Variants in GALNT17 observed in about 807,000 individuals in gnomAD.
GALNT17 encodes the protein UDP-GalNAc:polypeptide N-acetylgalactosaminyltransferase-like 3.
A neutral mutation model predicts 63.7 loss-of-function variants in GALNT17; 29 were observed. The observed-to-expected ratio is 0.46, with a 90% CI of 0.34 to 0.62. The LOEUF is 0.62. GALNT17 is among the 20% of genes least tolerant of loss of function. GALNT17 has a pLI of 0.01. For synonymous variants in GALNT17, 305 were observed against 318.3 expected (o/e 0.96, Z 0.45); for missense variants, 603 against 799.6 (o/e 0.75, Z 2.97).
intron 6 of GALNT17, among the ~76,000 whole-genome samples, chr7:71,582,136 A>G (rs747032581): frequency 6.6e-6 from 1 of 152,178 alleles, no homozygotes; most frequent in Non-Finnish European, 1.5e-5. Flanking sequence ...GATTTGATCC[A>G]GCAGTCCCAC....
intron 5 of GALNT17, among the ~76,000 whole-genome samples, chr7:71,564,146 T>C (rs934183052): frequency 6.6e-6 from 1 of 152,136 alleles, no homozygotes; most frequent in African/African-American, 2.4e-5. Context: ...AACAGAGGCT[T>C]TCTGCTTCTG....
intron 6 of GALNT17, among the ~76,000 whole-genome samples, chr7:71,586,539 A>G (rs1789720046): frequency 6.6e-6 from 1 of 152,216 alleles, no homozygotes; most frequent in Non-Finnish European, 1.5e-5. Context: ...TAGGATTTGA[A>G]TAGTTGGAAT....
intron 3 of GALNT17, among the ~76,000 whole-genome samples, chr7:71,414,451 G>C (rs1793488825): frequency 6.6e-6 from 1 of 151,998 alleles, no homozygotes. Flanking sequence ...AAATGATTAG[G>C]CCTTATCCTT....
At position 71,560,118 on chromosome 7, in the gene GALNT17, C is replaced by T. The variant is rs564352623; in HGVS notation, c.963-11167C>T. Among the ~76,000 whole-genome samples the T allele has an allele frequency of 5.7e-5, 8 of 139,226 alleles. No homozygotes were observed. The East Asian group carries it at 7.8e-4, about 13-fold the overall frequency. The allele number at this position is 139,226 out of a possible 152,430, so 91.3% of individuals were successfully genotyped here. On this transcript the variant is annotated intron_variant, in intron 5 of 10. Coordinates refer to ENST00000333538, the MANE Select transcript of GALNT17 (RefSeq NM_022479.3). ...CTGAGGCAGGAGAATCGCTTGAATC[C>T]GGGAGGCGGAGGTTGCAGTGAGCCA...
At chr7:71,133,699 A>C (rs1787730586) in intron 1 of GALNT17, among the ~76,000 whole-genome samples, 1 of 152,156 alleles carries the variant, frequency 6.6e-6, no homozygotes, top group Admixed American at 6.5e-5. Flanking sequence ...GTGGCATCCC[A>C]TTAGTGACAG....
chr7:71,246,777 TGAGAA>T (rs1264060940), intron 1 of GALNT17, among the ~76,000 whole-genome samples: 25 of 151,392 alleles, frequency 1.7e-4, no homozygotes, highest in African/African-American at 6.1e-4. Context: ...TGCAGTGAGC[TGAGAA>T]CGCGCCACTG....
intron 5 of GALNT17, among the ~76,000 whole-genome samples, chr7:71,449,997 G>A (rs183410687): frequency 2.2e-4 from 33 of 150,884 alleles, no homozygotes; most frequent in Admixed American, 1.9e-3. Flanking sequence ...AGCCGAGATC[G>A]TGCCATCGCA....
At chr7:71,503,604 T>A (rs890500186) in intron 5 of GALNT17, among the ~76,000 whole-genome samples, 72 of 152,134 alleles carry the variant, frequency 4.7e-4, no homozygotes, top group Non-Finnish European at 1.6e-4. Flanking sequence ...CTTGGGAATG[T>A]CAAAGGTACC....
At chr7:71,608,422 G>A (rs1790077870) in intron 6 of GALNT17, among the ~76,000 whole-genome samples, 1 of 152,162 alleles carries the variant, frequency 6.6e-6, no homozygotes, top group African/African-American at 2.4e-5. Flanking sequence ...CAGTCAGTGA[G>A]CAGTAAATGT....
At chr7:71,140,115 C>G (rs1183201371) in intron 1 of GALNT17, among the ~76,000 whole-genome samples, 1 of 152,166 alleles carries the variant, frequency 6.6e-6, no homozygotes, top group Non-Finnish European at 1.5e-5. Flanking sequence ...TTTCTTGCAG[C>G]CCACAGATGC....
intron 1 of GALNT17, among the ~76,000 whole-genome samples, chr7:71,172,455 TAA>T (rs917331898): frequency 7.7e-6 from 1 of 129,728 alleles, no homozygotes. Context: ...CACTCTGTCT[TAA>T]AAAAAAAAAG....
intron 5 of GALNT17, among the ~76,000 whole-genome samples, chr7:71,429,608 T>A (rs1178463922): frequency 6.6e-6 from 1 of 152,172 alleles, no homozygotes; most frequent in African/African-American, 2.4e-5. Context: ...AGTGGTGAGA[T>A]CATAGTTCAT....
intron 5 of GALNT17, among the ~76,000 whole-genome samples, chr7:71,434,214 C>T (rs1469133093): frequency 3.0e-4 from 46 of 152,154 alleles, no homozygotes; most frequent in Admixed American, 6.6e-5. Context: ...CGGGACTTCA[C>T]CTTGTGATCA....
At chr7:71,565,271 A>C (rs1025476796) in intron 5 of GALNT17, among the ~76,000 whole-genome samples, 2 of 151,344 alleles carry the variant, frequency 1.3e-5, no homozygotes, top group Non-Finnish European at 3.0e-5. Flanking sequence ...CATCTCAAGA[A>C]AAAAAAAATC....
intron 1 of GALNT17, among the ~76,000 whole-genome samples, chr7:71,145,986 G>A (rs552750160): frequency 1.4e-4 from 21 of 152,230 alleles, no homozygotes; most frequent in East Asian, 5.8e-4. Context: ...GATTACAGGC[G>A]CGAGCCACCG....
At chr7:71,338,826 A>C (rs1434330619) in intron 2 of GALNT17, among the ~76,000 whole-genome samples, 2 of 152,204 alleles carry the variant, frequency 1.3e-5, no homozygotes, top group Admixed American at 6.5e-5. Flanking sequence ...TTGGTTACTG[A>C]GAAAAATAGA....
At chr7:71,387,356 C>T (rs1435703920) in intron 2 of GALNT17, among the ~76,000 whole-genome samples, 1 of 151,666 alleles carries the variant, frequency 6.6e-6, no homozygotes, top group Non-Finnish European at 1.5e-5. Context: ...AACAGGGTCT[C>T]ATTATGTTAC....
chr7:71,288,215 C>CA (rs59555320), intron 1 of GALNT17, among the ~76,000 whole-genome samples: 34,347 of 83,612 alleles, frequency 0.41, 7,091 homozygotes, highest in Non-Finnish European at 0.5. Flanking sequence ...GACTCCATCT[C>CA]AAAAAAAAAA....
At chr7:71,325,946 C>A (rs909340109) in intron 1 of GALNT17, among the ~76,000 whole-genome samples, 1 of 152,160 alleles carries the variant, frequency 6.6e-6, no homozygotes, top group African/African-American at 2.4e-5. Context: ...CACCTGCCAA[C>A]GTATATTTAA....
Sources: allele counts gnomAD v4.1 joint callset (sites outside exome capture counted in the v4.1 genomes callset), GRCh38; gene constraint gnomAD v4.1.1; transcripts MANE v1.5; gene names NCBI Gene and HGNC (gene_info 2026-07-23, HGNC 2026-07-21).